HOXA9: variants seen among roughly 807,000 people sequenced by gnomAD.
HOXA9 encodes homeobox A9.
HOXA9 carries 18 observed loss-of-function variants against 19.0 expected under a neutral mutation model. That is an observed-to-expected ratio of 0.95 (90% CI 0.65 to 1.40). HOXA9 has a LOEUF of 1.40. Among genes scored for constraint, HOXA9 ranks in the 40% most tolerant of loss-of-function variants. The pLI is 0.00. For missense variants in HOXA9, 443 were observed against 372.2 expected (o/e 1.19, Z -1.57); for synonymous variants, 198 against 161.1 (o/e 1.23, Z -1.73).
chr7:27,165,221 G>C lies in HOXA9; in HGVS notation c.237C>G (p.Pro79=). 6.3e-7 allele frequency: 1 copy of C among 1,579,254 alleles called. No individual in the cohort carries two copies. Among genetic ancestry groups the C allele is most frequent in the Non-Finnish European group, 8.6e-7 (1 of 1,164,276 alleles). Residue 79 remains proline, a synonymous_variant, in exon 1 of 2, where the codon CCC becomes CCG. Coordinates refer to ENST00000343483, the MANE Select transcript of HOXA9 (RefSeq NM_152739.4). ...GGTGATGGTGGTGGTACACCGCAGC[G>C]GGTACAGCGTTGGCGCCCGCCGCGT... ...PVHAAGANAV[P]AAVYHHHHHH...
Position 27,165,093 on chromosome 7 carries a change from G to C in HOXA9, c.365C>G (p.Ala122Gly). The change falls in exon 1 of 2, where the codon GCG becomes GGG. Residue 122 changes from alanine (A) to glycine (G), a missense_variant. By Grantham distance (60) the Ala-to-Gly change is moderately conservative. Coordinates refer to ENST00000343483, the MANE Select transcript of HOXA9 (RefSeq NM_152739.4). ...LEPTPGALSFAGLPSSRPYGI... is the reference protein window; with the variant it reads ...LEPTPGALSFGGLPSSRPYGI... ...ATAAGGCCGGCTGGAGGGCAAGCCC[G>C]CGAAGGAGAGCGCACCGGGCGTGGG... is the stretch of plus-strand genomic sequence containing the variant. 1.9e-6 allele frequency: 3 copies of C among 1,613,032 alleles called. No individual in the cohort carries two copies. Among genetic ancestry groups the C allele is most frequent in the Non-Finnish European group, 2.5e-6 (3 of 1,179,662 alleles).
rs1783287261 is a variant in HOXA9 at position 27,164,968 on chromosome 7, C to G, written c.490G>C (p.Val164Leu). 3 of 1,614,108 alleles carry G rather than the reference C, an allele frequency of 1.9e-6. No homozygotes were observed. In the Admixed American group the frequency reaches 5.0e-5, roughly 27 times the overall value. ...LTDYACGSPP[V>L]DREKQPSEGA... is the part of the protein sequence containing the mutation. ...TCGCTGGGTTGTTTTTCTCTATCAA[C>G]TGGAGGAGAACCACAAGCATAGTCA... The change falls in exon 1 of 2, where the codon GTT becomes CTT. Residue 164 changes from valine (V) to leucine (L), a missense_variant. Coordinates refer to ENST00000343483, the MANE Select transcript of HOXA9 (RefSeq NM_152739.4).
chr7:27,162,604 G>A lies in HOXA9; in HGVS notation c.*999C>T, dbSNP rs1311206961. On this transcript the variant is annotated 3_prime_UTR_variant, in exon 2 of 2. Coordinates refer to ENST00000343483, the MANE Select transcript of HOXA9 (RefSeq NM_152739.4). ...TACAAATCTACAGTAGCCCAATGGC[G>A]GTTTCATAGTGTATAATTTATTATC... The A allele has an allele frequency of 1.4e-5, 3 of 209,534 alleles. No individual in the cohort carries two copies. The highest frequency in any genetic ancestry group is 1.9e-4 in the South Asian group (1 of 5,294). The allele number at this position is 209,534 out of a possible 1,614,324, so 13.0% of individuals were successfully genotyped here. A position where few individuals can be genotyped will look rare whatever the true frequency, so the allele number is the denominator to read the frequency against.
intron 1 of HOXA9, 92 bp from the exon 2 acceptor site, chr7:27,163,933 G>T: frequency 2.0e-6 from 2 of 1,016,590 alleles, no homozygotes; most frequent in South Asian, 1.4e-5. Context: ...TGGCCGAAGT[G>T]CAGAACTCTG....
rs1225435967 is a variant in HOXA9, at chr7:27,162,719, T to C, written c.*884A>G. On this transcript the variant is annotated 3_prime_UTR_variant, in exon 2 of 2. Coordinates refer to ENST00000343483, the MANE Select transcript of HOXA9 (RefSeq NM_152739.4). ...GGTAGTAACCTTCTGCACATATGTA[T>C]AGCTCCGAATTTCCTCACTGTTCGT... 1 of 208,068 alleles carries C rather than the reference T, an allele frequency of 4.8e-6. No homozygotes were observed. Among genetic ancestry groups the C allele is most frequent in the Non-Finnish European group, 9.8e-6 (1 of 101,960 alleles). 12.9% of individuals were successfully genotyped at this position (208,068 alleles called of 1,614,324 possible).
rs1363761827 is a variant in HOXA9 at position 27,164,922 on chromosome 7, T to C, written c.536A>G (p.Asn179Ser). The C allele has an allele frequency of 6.8e-6, 11 of 1,614,070 alleles. No individual in the cohort carries two copies. Reference protein sequence around the residue: ...QPSEGAFSENNAENESGGDKP... With the variant: ...QPSEGAFSENSAENESGGDKP... ...GTCTCCGCCGCTCTCATTCTCAGCA[T>C]TGTTTTCAGAGAAGGCGCCTTCGCT... Residue 179 changes from asparagine to serine, a missense_variant, in exon 1 of 2, where the codon AAT (asparagine) becomes AGT (serine). Physicochemically the swap from Asn to Ser is conservative, Grantham distance 46 (BLOSUM62 1). Transcript: ENST00000343483.
rs1041998210 is a variant in HOXA9, at chr7:27,165,497, G to A, written c.-40C>T. The A allele has an allele frequency of 6.6e-7, 1 of 1,517,986 alleles. No homozygotes were observed. The highest frequency in any genetic ancestry group is 1.4e-5 in the African/African-American group (1 of 70,560). 94.0% of individuals were successfully genotyped at this position (1,517,986 alleles called of 1,614,324 possible). On this transcript the variant is annotated 5_prime_UTR_variant, in exon 1 of 2. Transcript: ENST00000343483. ...CCTGGCCCGCCCGGCCCGACCCACG[G>A]AAATTATGAAACTGCAGATTTCATG...
intron 1 of HOXA9, among the ~76,000 whole-genome samples, chr7:27,164,447 G>A (rs570758665): frequency 2.0e-5 from 3 of 152,368 alleles, no homozygotes; most frequent in African/African-American, 7.2e-5. Flanking sequence ...GGCAAGAAGT[G>A]GAAGGAATCG....
rs1583426679 is a variant in HOXA9 at position 27,165,359 on chromosome 7, C to A, written c.99G>T (p.Gly33=). Residue 33 remains glycine, a synonymous_variant, in exon 1 of 2, where the codon GGG becomes GGT. Coordinates refer to ENST00000343483, the MANE Select transcript of HOXA9 (RefSeq NM_152739.4). ...CCTGCCGGGGAGGCTGGCCCAGGGT[C>A]CCCGGCGCATAGCGGCCAACGCTCA... ...DELSVGRYAP[G]TLGQPPRQAA... 4 of 1,596,862 alleles carry A rather than the reference C, an allele frequency of 2.5e-6. No homozygotes were observed. Among genetic ancestry groups the A allele is most frequent in the Admixed American group, 1.7e-5 (1 of 58,350 alleles).
chr7:27,165,378 A>C lies in HOXA9; in HGVS notation c.80T>G (p.Val27Gly), dbSNP rs1372502012. ...CAGGGTCCCCGGCGCATAGCGGCCA[A>C]CGCTCAGCTCATCCGCGGCGTCGGC... is the stretch of plus-strand genomic sequence containing the variant. ...LGADAADELS[V>G]GRYAPGTLGQ... Residue 27 changes from valine (V) to glycine (G), a missense_variant, in exon 1 of 2, where the codon GTT becomes GGT. Physicochemically the swap from Val to Gly is moderately radical, Grantham distance 109. Coordinates refer to ENST00000343483, the MANE Select transcript of HOXA9 (RefSeq NM_152739.4). The C allele has an allele frequency of 6.2e-7, 1 of 1,606,170 alleles. No homozygotes were observed. The highest frequency in any genetic ancestry group is 1.7e-4 in the Middle Eastern group (1 of 6,044).
At position 27,165,129 on chromosome 7, in the gene HOXA9, G is replaced by A; in HGVS notation, c.329C>T (p.Ser110Phe). 1 of 1,608,050 alleles carries A rather than the reference G, an allele frequency of 6.2e-7. No homozygotes were observed. The highest frequency in any genetic ancestry group is 1.7e-5 in the Admixed American group (1 of 59,404). ...CGCACCGGGCGTGGGCTCCAGCCAG[G>A]AGCGCATGTACCTGCCGTCCGGCGC... ...AAAPDGRYMR[S>F]WLEPTPGALS... The change falls in exon 1 of 2, where the codon TCC (serine) becomes TTC (phenylalanine). Residue 110 changes from serine (S) to phenylalanine (F), a missense_variant. Transcript: ENST00000343483.
rs981876744 is a variant in HOXA9, at chr7:27,163,496, G to A, written c.*107C>T. On this transcript the variant is annotated 3_prime_UTR_variant, in exon 2 of 2. Transcript: ENST00000343483. ...TTTAGAGCCGCTTTGTGCGGGGATG[G>A]TGGAGGCTAGGGTGGGGGTGAGAGA... 2 of 894,664 alleles carry A rather than the reference G, an allele frequency of 2.2e-6. No homozygotes were observed. The highest frequency in any genetic ancestry group is 1.7e-5 in the African/African-American group (1 of 59,882). The allele number at this position is 894,664 out of a possible 1,614,324, so 55.4% of individuals were successfully genotyped here. A position where few individuals can be genotyped will look rare whatever the true frequency, so the allele number is the denominator to read the frequency against.
Position 27,165,436 on chromosome 7 carries a change from C to T in HOXA9, c.22G>A (p.Gly8Ser), listed in dbSNP as rs1459610981. ...AGGAACGAGTCCACGTAGTAGTTGC[C>T]CAGGGCCCCAGTGGTGGCCATCACC... MATTGAL[G>S]NYYVDSFLLG... Residue 8 changes from glycine to serine, a missense_variant, in exon 1 of 2, where the codon GGC becomes AGC. Physicochemically the swap from Gly to Ser is moderately conservative, Grantham distance 56. Coordinates refer to ENST00000343483, the MANE Select transcript of HOXA9 (RefSeq NM_152739.4). 4 of 1,607,524 alleles carry T rather than the reference C, an allele frequency of 2.5e-6. No individual in the cohort carries two copies. Among genetic ancestry groups the T allele is most frequent in the Non-Finnish European group, 2.5e-6 (3 of 1,178,262 alleles).
intron 1 of HOXA9, among the ~76,000 whole-genome samples, 186 bp from the exon 2 acceptor site, chr7:27,164,027 A>G (rs541860912): frequency 6.2e-4 from 94 of 152,170 alleles, no homozygotes; most frequent in African/African-American, 2.1e-3. Context: ...TTAAAATTGC[A>G]CGCAGTAAAA....
rs1248629729 is a variant in HOXA9, at chr7:27,165,468, A to G, written c.-11T>C. 8.2e-6 allele frequency: 13 copies of G among 1,579,674 alleles called. No homozygotes were observed. Among genetic ancestry groups the G allele is most frequent in the Non-Finnish European group, 1.1e-5 (13 of 1,167,854 alleles). The stretch of plus-strand genomic sequence containing the variant: ...CCCAGTGGTGGCCATCACCGTGCCC[A>G]GCGCCTGGCCCGCCCGGCCCGACCC... On this transcript the variant is annotated 5_prime_UTR_variant, in exon 1 of 2. Coordinates refer to ENST00000343483, the MANE Select transcript of HOXA9 (RefSeq NM_152739.4).
rs1167855835 is a variant in HOXA9, at chr7:27,165,171, G to T, written c.287C>A (p.Ala96Glu). 2.5e-6 allele frequency: 4 copies of T among 1,596,418 alleles called. No homozygotes were observed. The highest frequency in any genetic ancestry group is 3.4e-6 in the Non-Finnish European group (4 of 1,171,406). ...GTCCGGCGCCGCCGCCGCCACGGGC[G>T]CCTGGGGGTGCACGTAGGGGTGGTG... ...HHHHPYVHPQ[A>E]PVAAAAPDGR... Residue 96 changes from alanine (A) to glutamate (E), a missense_variant, in exon 1 of 2, where the codon GCG becomes GAG. Physicochemically the swap from Ala to Glu is moderately radical, Grantham distance 107. Transcript: ENST00000343483.
chr7:27,163,618 T>C lies in HOXA9; in HGVS notation c.804A>G (p.Arg268=), dbSNP rs2128068217. 1 of 1,612,424 alleles carries C rather than the reference T, an allele frequency of 6.2e-7. No homozygotes were observed. The part of the protein sequence containing the change: ...RMKMKKINKD[R]AKDE ...CCAAATGGCATCACTCGTCTTTTGC[T>C]CGGTCTTTGTTGATTTTCTTCATTT... The change falls in exon 2 of 2, where the codon CGA becomes CGG. Residue 268 remains arginine, a synonymous_variant. Transcript: ENST00000343483.
chr7:27,163,541 G>A lies in HOXA9; in HGVS notation c.*62C>T. The A allele has an allele frequency of 3.1e-6, 4 of 1,300,670 alleles. No individual in the cohort carries two copies. In the South Asian group the frequency reaches 5.0e-5, roughly 16 times the overall value. The allele number at this position is 1,300,670 out of a possible 1,614,324, so 80.6% of individuals were successfully genotyped here. On this transcript the variant is annotated 3_prime_UTR_variant, in exon 2 of 2. Transcript: ENST00000343483. ...GAGAGAAGGGAGAAGGCGGAAGGGG[G>A]ACGGACAGTTCTTTCTTTTTCTCTC...
In HOXA9 at chr7:27,165,363, GGC is replaced by G; in HGVS notation, c.93_94del (p.Pro32GlyfsTer101). On this transcript the variant is annotated frameshift_variant, in exon 1 of 2. Transcript: ENST00000343483. LOFTEE classifies it high-confidence loss of function. ...CCGGGGAGGCTGGCCCAGGGTCCCC[GGC>G]GCATAGCGGCCAACGCTCAGCTCAT... The G allele has an allele frequency of 6.3e-7, 1 of 1,599,490 alleles. No individual in the cohort carries two copies. Among genetic ancestry groups the G allele is most frequent in the Non-Finnish European group, 8.5e-7 (1 of 1,174,658 alleles).
Sources: gnomAD v4.1 joint callset for allele counts (sites outside exome capture counted in the v4.1 genomes callset) on GRCh38, gnomAD v4.1.1 for gene constraint, MANE v1.5 for transcripts, NCBI Gene and HGNC (gene_info 2026-07-23, HGNC 2026-07-21) for gene names.